Variants in GTF2H5 observed in about 807,000 individuals in gnomAD.
The protein encoded by GTF2H5 is TFB5 ortholog.
GTF2H5 carries 5 observed loss-of-function variants against 7.1 expected under a neutral mutation model. The ratio of observed to expected loss-of-function variants is 0.71; its 90% CI spans 0.37 to 1.49. The LOEUF (loss-of-function observed/expected upper bound fraction) is 1.49, where lower values mean the gene tolerates loss of function less well. GTF2H5 is among the 40% of genes most tolerant of loss of function. GTF2H5 has a pLI of 0.03. For synonymous variants in GTF2H5, 30 were observed against 31.7 expected (o/e 0.95, Z 0.18); for missense variants, 80 against 83.0 (o/e 0.96, Z 0.14).
At chr6:158,172,777 C>T (rs976415773) in intron 2 of GTF2H5, among the ~76,000 whole-genome samples, 8 of 152,116 alleles carry the variant, frequency 5.3e-5, no homozygotes, top group Middle Eastern at 3.2e-3. Flanking sequence ...TCTAGAATAA[C>T]CTTGAAATAA....
chr6:158,178,510 C>G (rs1185370781), intron 2 of GTF2H5, among the ~76,000 whole-genome samples: 1 of 148,970 alleles, frequency 6.7e-6, no homozygotes, highest in Non-Finnish European at 1.5e-5. Context: ...TCTCCAGCAT[C>G]TGTTGTTTCC....
chr6:158,179,438 G>C (rs1007612654), intron 2 of GTF2H5, among the ~76,000 whole-genome samples: 2 of 152,188 alleles, frequency 1.3e-5, no homozygotes, highest in Non-Finnish European at 2.9e-5. Context: ...ACTTTGGGCA[G>C]TAAGGCCATT....
intron 1 of GTF2H5, among the ~76,000 whole-genome samples, chr6:158,169,732 T>TATATATTATATAATATA: frequency 1.2e-5 from 1 of 83,796 alleles, no homozygotes; most frequent in African/African-American, 5.0e-5. Context: ...TATAATATAT[T>TATATATTATATAATATA]GTATATTATA....
At chr6:158,175,009 G>GGTGTGTGTGT (rs1187190034) in intron 2 of GTF2H5, among the ~76,000 whole-genome samples, 1 of 77,812 alleles carries the variant, frequency 1.3e-5, no homozygotes, top group African/African-American at 4.7e-5. Flanking sequence ...CTGTGCCTGA[G>GGTGTGTGTGT]ATGTGTGTGT....
chr6:158,178,255 G>A (rs1161689777), intron 2 of GTF2H5, among the ~76,000 whole-genome samples: 1 of 152,106 alleles, frequency 6.6e-6, no homozygotes, highest in Admixed American at 6.5e-5. Context: ...GGGAGGCCAA[G>A]ACAGGCGGAT....
chr6:158,186,057 G>T (rs1776917228), intron 2 of GTF2H5, among the ~76,000 whole-genome samples: 1 of 152,146 alleles, frequency 6.6e-6, no homozygotes, highest in Admixed American at 6.5e-5. Context: ...AGGAGAAGAG[G>T]AAACTGACAT....
chr6:158,169,605 T>TA (rs1256148718), intron 1 of GTF2H5, among the ~76,000 whole-genome samples: 2 of 91,282 alleles, frequency 2.2e-5, no homozygotes, highest in African/African-American at 1.0e-4. Flanking sequence ...ATATTACATA[T>TA]ATTGTATATT....
At chr6:158,183,867 C>A (rs938787500) in intron 2 of GTF2H5, among the ~76,000 whole-genome samples, 1 of 152,216 alleles carries the variant, frequency 6.6e-6, no homozygotes, top group Non-Finnish European at 1.5e-5. Flanking sequence ...CTGGGTGAGG[C>A]GACACCCTGC....
chr6:158,177,024 C>T (rs1002922370), intron 2 of GTF2H5, among the ~76,000 whole-genome samples: 3 of 152,228 alleles, frequency 2.0e-5, no homozygotes, highest in African/African-American at 7.2e-5. Flanking sequence ...CACAGCCTTC[C>T]AGCGTGGGTG....
At chr6:158,169,679 A>ATATATTGTATATTGTATAT (rs1562469114) in intron 1 of GTF2H5, among the ~76,000 whole-genome samples, 2,356 of 39,818 alleles carry the variant, frequency 0.059, 291 homozygotes, top group Non-Finnish European at 0.073. Flanking sequence ...ATATTATATA[A>ATATATTGTATATTGTATAT]TATATAATAT....
intron 2 of GTF2H5, among the ~76,000 whole-genome samples, chr6:158,182,574 C>A (rs1289028611): frequency 6.6e-6 from 1 of 151,952 alleles, no homozygotes; most frequent in Non-Finnish European, 1.5e-5. Context: ...TTGTTCATTT[C>A]TTTTCATTCT....
intron 2 of GTF2H5, among the ~76,000 whole-genome samples, chr6:158,181,515 T>C (rs1022044413): frequency 3.9e-5 from 6 of 152,210 alleles, no homozygotes; most frequent in African/African-American, 1.2e-4. Flanking sequence ...TAACTCTCTT[T>C]GTAGGTCTCT....
intron 2 of GTF2H5, among the ~76,000 whole-genome samples, chr6:158,171,841 C>T (rs904371632): frequency 1.3e-5 from 2 of 152,078 alleles, no homozygotes; most frequent in African/African-American, 4.8e-5. Flanking sequence ...TAAACCACTG[C>T]GGGGGAGAGG....
In GTF2H5 at chr6:158,192,067, C is replaced by G; in HGVS notation, c.126C>G (p.His42Gln). 1.9e-6 allele frequency: 3 copies of G among 1,612,720 alleles called. No individual in the cohort carries two copies. The highest frequency in any genetic ancestry group is 2.2e-5 in the South Asian group (2 of 91,044). The change falls in exon 3 of 3, where the codon CAC becomes CAG. Residue 42 changes from histidine to glutamine, a missense_variant. Transcript: ENST00000607778. ...KFIIQDIDDT[H>Q]VFVIAELVNV... is the part of the protein sequence containing the mutation. ...TCATTCAAGACATTGATGACACTCA[C>G]GTCTTTGTAATAGCAGAATTGGTTA...
intron 2 of GTF2H5, among the ~76,000 whole-genome samples, chr6:158,177,014 C>T (rs1785943310): frequency 6.6e-6 from 1 of 152,218 alleles, no homozygotes. Context: ...CCAGTAAACC[C>T]ACAGCCTTCC....
chr6:158,191,584 A>G (rs1170325173), intron 2 of GTF2H5, among the ~76,000 whole-genome samples: 1 of 151,222 alleles, frequency 6.6e-6, no homozygotes, highest in Non-Finnish European at 1.5e-5. Context: ...CCAGGTTCAC[A>G]CCATTCTCCT....
At chr6:158,168,731 T>C (rs759723729) in intron 1 of GTF2H5, among the ~76,000 whole-genome samples, 1 of 152,246 alleles carries the variant, frequency 6.6e-6, no homozygotes, top group Non-Finnish European at 1.5e-5. Flanking sequence ...GATCTGGAGA[T>C]CTGGCTTGTA....
intron 1 of GTF2H5, among the ~76,000 whole-genome samples, chr6:158,169,780 G>GTATATTATATATAA (rs1562469550): frequency 3.9e-5 from 3 of 76,176 alleles, no homozygotes; most frequent in African/African-American, 5.4e-5. Context: ...ATAATATATT[G>GTATATTATATATAA]TATATTATAT....
chr6:158,182,570 A>G (rs1432531216), intron 2 of GTF2H5, among the ~76,000 whole-genome samples: 2 of 151,494 alleles, frequency 1.3e-5, no homozygotes, highest in Non-Finnish European at 2.9e-5. Context: ...GGCTTTGTTC[A>G]TTTCTTTTCA....
Sources: gnomAD v4.1 joint callset for allele counts (sites outside exome capture counted in the v4.1 genomes callset) on GRCh38, gnomAD v4.1.1 for gene constraint, MANE v1.5 for transcripts, NCBI Gene and HGNC (gene_info 2026-07-23, HGNC 2026-07-21) for gene names.